The following GPC3 variants were observed in gnomAD, a reference collection of about 807,000 sequenced individuals.
GPC3 encodes the protein glypican 3, also known as glypican-3.
GPC3 carries 3 observed loss-of-function variants against 34.4 expected under a neutral mutation model. The observed-to-expected ratio is 0.09, with a 90% CI of 0.04 to 0.23. GPC3 has a LOEUF of 0.23. Among genes scored for constraint, GPC3 ranks in the 10% least tolerant of loss-of-function variants. GPC3 has a pLI of 1.00. For missense variants in GPC3, 351 were observed against 445.6 expected (o/e 0.79, Z 1.91); for synonymous variants, 177 against 174.0 (o/e 1.02, Z -0.13).
At position 133,841,215 on chromosome X, in the gene GPC3, A is replaced by ATTTTTTT. The variant is rs769696321; in HGVS notation, c.338-87046_338-87040dup. Among the ~76,000 whole-genome samples, 4 of 39,248 alleles carry ATTTTTTT rather than the reference A, an allele frequency of 1.0e-4. 1 individual carries two copies. Among genetic ancestry groups the ATTTTTTT allele is most frequent in the Admixed American group, 1.1e-3 (2 of 1,856 alleles). The allele number at this position is 39,248 out of a possible 115,157, so 34.1% of individuals were successfully genotyped here. A position where few individuals can be genotyped will look rare whatever the true frequency, so the allele number is the denominator to read the frequency against. On this transcript the variant is annotated intron_variant, in intron 2 of 7. Transcript: ENST00000370818. ...ACCACCATGCCTGGCTAATCTTTTA[A>ATTTTTTT]TTTTTTTTTTTTTTTTTTTTTTTGG...
At chrX:133,708,996 C>T (rs1368842171) in intron 3 of GPC3, among the ~76,000 whole-genome samples, 1 of 111,852 alleles carries the variant, frequency 8.9e-6, no homozygotes, top group East Asian at 2.8e-4. Flanking sequence ...TTGTTAAGAT[C>T]ATTTCTCATT....
At chrX:133,693,224 AGAGT>A (rs1485905465) in intron 4 of GPC3, among the ~76,000 whole-genome samples, 1 of 108,183 alleles carries the variant, frequency 9.2e-6, no homozygotes, top group Non-Finnish European at 1.9e-5. Context: ...AGAGAAAGAG[AGAGT>A]GACACAGAGA....
chrX:133,874,932 T>C (rs2124578406), intron 2 of GPC3, among the ~76,000 whole-genome samples: 1 of 112,012 alleles, frequency 8.9e-6, no homozygotes, highest in South Asian at 3.7e-4. Context: ...TAAAAGAACA[T>C]GACAGATGAA....
At chrX:133,618,325 T>C (rs962923035) in intron 6 of GPC3, among the ~76,000 whole-genome samples, 3 of 111,937 alleles carry the variant, frequency 2.7e-5, no homozygotes, top group African/African-American at 9.7e-5. Context: ...ATTTTTTTCT[T>C]AAACCGTCTG....
At chrX:133,900,652 G>C (rs1349531115) in intron 2 of GPC3, among the ~76,000 whole-genome samples, 1 of 111,429 alleles carries the variant, frequency 9.0e-6, no homozygotes, top group Non-Finnish European at 1.9e-5. Context: ...TAAGGAGGAA[G>C]GGGAATCTGA....
chrX:133,660,928 C>T (rs919942239), intron 6 of GPC3, among the ~76,000 whole-genome samples: 14 of 111,513 alleles, frequency 1.3e-4, no homozygotes, highest in South Asian at 3.8e-4. Context: ...TAGCACTTTG[C>T]GGGGCTGATG....
chrX:133,779,170 G>A (rs763573687), intron 2 of GPC3, among the ~76,000 whole-genome samples: 9 of 112,057 alleles, frequency 8.0e-5, no homozygotes, highest in East Asian at 2.8e-4. Context: ...CCCCCATGAC[G>A]CTAAACTATT....
At chrX:133,813,314 C>T (rs193013601) in intron 2 of GPC3, among the ~76,000 whole-genome samples, 127 of 112,365 alleles carry the variant, frequency 1.1e-3, no homozygotes, top group Non-Finnish European at 2.0e-3. Flanking sequence ...GTTGTCGTAG[C>T]CCCTTAGCTA....
intron 2 of GPC3, among the ~76,000 whole-genome samples, chrX:133,783,871 G>C (rs1398963692): frequency 8.9e-6 from 1 of 112,025 alleles, no homozygotes; most frequent in Non-Finnish European, 1.9e-5. Context: ...GAGAAAACCT[G>C]ATGTTGATTT....
intron 2 of GPC3, among the ~76,000 whole-genome samples, chrX:133,770,661 G>T (rs747515708): frequency 3.6e-5 from 4 of 111,718 alleles, no homozygotes; most frequent in African/African-American, 6.5e-5. Flanking sequence ...GGGGCCATTT[G>T]TCCATTTGCT....
intron 2 of GPC3, among the ~76,000 whole-genome samples, chrX:133,871,328 T>A (rs2075993042): frequency 8.9e-6 from 1 of 111,777 alleles, no homozygotes; most frequent in Non-Finnish European, 1.9e-5. Context: ...CTCATCCCCA[T>A]CCATATAGTC....
At chrX:133,736,301 A>G (rs1569422951) in intron 3 of GPC3, among the ~76,000 whole-genome samples, 1 of 112,186 alleles carries the variant, frequency 8.9e-6, no homozygotes, top group Non-Finnish European at 1.9e-5. Flanking sequence ...GCTCAGCTTC[A>G]CTGGAAAACA....
chrX:133,771,710 CAG>C (rs2071922398), intron 2 of GPC3, among the ~76,000 whole-genome samples: 1 of 112,361 alleles, frequency 8.9e-6, no homozygotes, highest in Non-Finnish European at 1.9e-5. Flanking sequence ...GAAGTCACTA[CAG>C]TCTATGCCTC....
intron 7 of GPC3, among the ~76,000 whole-genome samples, chrX:133,573,883 G>A (rs1198049129): frequency 3.6e-5 from 4 of 112,046 alleles, no homozygotes; most frequent in African/African-American, 1.3e-4. Context: ...TAAACAAGTA[G>A]CCTTATCTAT....
At position 133,699,946 on chromosome X, in the gene GPC3, A is replaced by G; in HGVS notation, c.1115T>C (p.Val372Ala). The change falls in exon 4 of 8, where the codon GTA (valine) becomes GCA (alanine). Residue 372 changes from valine (V) to alanine (A), a missense_variant. By Grantham distance (64) the Val-to-Ala change is moderately conservative (BLOSUM62 0). Coordinates refer to ENST00000370818, the MANE Select transcript of GPC3 (RefSeq NM_004484.4). ...YPEDLFIDKK[V>A]LKVAHVEHEE... ...ATGTTCTACATGAGCAACTTTTAATACTTTCTTGTCAATAAAGAGATCTTC... is the reference window on the plus strand; with the variant it reads ...ATGTTCTACATGAGCAACTTTTAATGCTTTCTTGTCAATAAAGAGATCTTC... 8.3e-7 allele frequency: 1 copy of G among 1,198,111 alleles called. No individual in the cohort carries two copies. The highest frequency in any genetic ancestry group is 1.1e-6 in the Non-Finnish European group (1 of 883,554).
chrX:133,585,791 T>G (rs188837088), intron 7 of GPC3, among the ~76,000 whole-genome samples: 6 of 112,095 alleles, frequency 5.4e-5, no homozygotes, highest in African/African-American at 1.9e-4. Flanking sequence ...TTACCACATT[T>G]TAGTTGAGGC....
At chrX:133,954,436 G>A (rs1201644441) in intron 1 of GPC3, among the ~76,000 whole-genome samples, 2 of 111,622 alleles carry the variant, frequency 1.8e-5, no homozygotes, top group African/African-American at 3.3e-5. Flanking sequence ...GTGCAGTGGC[G>A]CGATCTCAGC....
chrX:133,961,269 C>A (rs1260173654), intron 1 of GPC3, among the ~76,000 whole-genome samples: 1 of 111,454 alleles, frequency 9.0e-6, no homozygotes, highest in Non-Finnish European at 1.9e-5. Context: ...CCTGGGGCCA[C>A]CATGGACTCT....
At chrX:133,785,201 T>C (rs2072089165) in intron 2 of GPC3, among the ~76,000 whole-genome samples, 2 of 111,205 alleles carry the variant, frequency 1.8e-5, no homozygotes, top group Admixed American at 9.6e-5. Flanking sequence ...TCTCTTTTGG[T>C]TGGGGAAGTG....
Sources: allele counts gnomAD v4.1 joint callset (sites outside exome capture counted in the v4.1 genomes callset), GRCh38; gene constraint gnomAD v4.1.1; transcripts MANE v1.5; gene names NCBI Gene and HGNC (gene_info 2026-07-23, HGNC 2026-07-21).